VPS13B: variants seen among roughly 807,000 people sequenced by gnomAD.
VPS13B encodes vacuolar protein sorting 13 homolog B, also known as intermembrane lipid transfer protein VPS13B.
VPS13B carries 285 observed loss-of-function variants against 426.4 expected under a neutral mutation model. The observed-to-expected ratio is 0.67, with a 90% CI of 0.61 to 0.74. VPS13B has a LOEUF of 0.74. Among genes scored for constraint, VPS13B ranks in the 30% least tolerant of loss-of-function variants. VPS13B has a pLI of 0.00. For missense variants in VPS13B, 4,537 were observed against 4,782.6 expected, an observed-to-expected ratio of 0.95 and a Z score of 1.51; for synonymous variants, 1,676 against 1,676.4, an observed-to-expected ratio of 1.00 and a Z score of 0.01.
chr8:99,702,250 T>G (rs961263426), intron 36 of VPS13B, among the ~76,000 whole-genome samples: 13 of 152,212 alleles, frequency 8.5e-5, no homozygotes, highest in African/African-American at 2.9e-4. Flanking sequence ...TACTTTAGTA[T>G]ATCTTTGAGC....
intron 35 of VPS13B, among the ~76,000 whole-genome samples, chr8:99,688,573 G>A (rs1831514770): frequency 6.6e-6 from 1 of 152,040 alleles, no homozygotes; most frequent in Admixed American, 6.5e-5. Flanking sequence ...ATGTCTGAGA[G>A]GAGTTAATGG....
At chr8:99,372,843 T>C (rs1196182041) in intron 19 of VPS13B, among the ~76,000 whole-genome samples, 2 of 152,210 alleles carry the variant, frequency 1.3e-5, no homozygotes, top group Non-Finnish European at 2.9e-5. Context: ...TGAATCATTC[T>C]ACTATAAAGA....
chr8:99,702,740 A>G (rs1832335109), intron 36 of VPS13B, among the ~76,000 whole-genome samples: 1 of 152,166 alleles, frequency 6.6e-6, no homozygotes, highest in Non-Finnish European at 1.5e-5. Flanking sequence ...TAGCAGCAGA[A>G]ACTACTCTAA....
chr8:99,753,523 G>T (rs1810497868), intron 39 of VPS13B, among the ~76,000 whole-genome samples: 1 of 152,046 alleles, frequency 6.6e-6, no homozygotes, highest in African/African-American at 2.4e-5. Context: ...AGTTGCCCCT[G>T]CTCTAAGTTT....
intron 3 of VPS13B, among the ~76,000 whole-genome samples, chr8:99,068,293 C>G (rs1362094561): frequency 6.6e-6 from 1 of 152,140 alleles, no homozygotes; most frequent in Non-Finnish European, 1.5e-5. Flanking sequence ...ATAATTCAGA[C>G]ATATTTGTGG....
At chr8:99,377,820 A>G (rs1813569574) in intron 19 of VPS13B, among the ~76,000 whole-genome samples, 2 of 152,190 alleles carry the variant, frequency 1.3e-5, no homozygotes, top group Non-Finnish European at 2.9e-5. Flanking sequence ...GAGGGAGTGT[A>G]TGAATAGGGT....
chr8:99,310,442 A>T (rs1186896231), intron 19 of VPS13B, among the ~76,000 whole-genome samples: 1 of 152,232 alleles, frequency 6.6e-6, no homozygotes. Context: ...CTATTGAGAT[A>T]ATCATGTGGT....
chr8:99,369,473 G>A (rs1309307535), intron 19 of VPS13B, among the ~76,000 whole-genome samples: 1 of 152,162 alleles, frequency 6.6e-6, no homozygotes, highest in East Asian at 1.9e-4. Flanking sequence ...TGAGGCAGTG[G>A]GCACGAGTCT....
At chr8:99,862,433 A>G (rs1816887603) in intron 58 of VPS13B, among the ~76,000 whole-genome samples, 1 of 152,188 alleles carries the variant, frequency 6.6e-6, no homozygotes, top group Admixed American at 6.5e-5. Flanking sequence ...CCTGATTCAG[A>G]GTAATTATTG....
At chr8:99,827,212 G>A (rs1814741032) in intron 51 of VPS13B, among the ~76,000 whole-genome samples, 1 of 152,028 alleles carries the variant, frequency 6.6e-6, no homozygotes. Flanking sequence ...CGCATTTTTG[G>A]TTGGTAGGCT....
intron 39 of VPS13B, among the ~76,000 whole-genome samples, chr8:99,729,631 A>G (rs1474910589): frequency 2.0e-5 from 3 of 152,206 alleles, no homozygotes; most frequent in Non-Finnish European, 4.4e-5. Context: ...AGAGCTTTAC[A>G]TATAAAGTAA....
At chr8:99,669,825 T>C (rs941796584) in intron 35 of VPS13B, among the ~76,000 whole-genome samples, 8 of 152,154 alleles carry the variant, frequency 5.3e-5, no homozygotes, top group African/African-American at 1.9e-4. Flanking sequence ...CTGTTTTGAA[T>C]ACAGTTTTCT....
intron 39 of VPS13B, among the ~76,000 whole-genome samples, chr8:99,762,865 C>T (rs189883621): frequency 2.0e-5 from 3 of 152,158 alleles, no homozygotes; most frequent in Non-Finnish European, 4.4e-5. Context: ...AGGCCTGGCA[C>T]AGTGGGTCAC....
intron 51 of VPS13B, among the ~76,000 whole-genome samples, chr8:99,830,639 C>T (rs981991943): frequency 2.0e-5 from 3 of 152,072 alleles, no homozygotes; most frequent in African/African-American, 7.2e-5. Context: ...CCAGGTGCCA[C>T]TGGGGTATGA....
chr8:99,510,970 G>C (rs762855804), intron 28 of VPS13B, 134 bp from the exon 29 acceptor site: 76 of 937,328 alleles, frequency 8.1e-5, no homozygotes, highest in Non-Finnish European at 1.2e-4. Flanking sequence ...GAATTGATCA[G>C]TCATGTGTTT....
intron 2 of VPS13B, among the ~76,000 whole-genome samples, chr8:99,033,228 C>G (rs879534351): frequency 6.6e-6 from 1 of 152,144 alleles, no homozygotes; most frequent in Non-Finnish European, 1.5e-5. Flanking sequence ...AATCAATTAT[C>G]TTATTCTTTA....
chr8:99,389,743 A>G (rs1470291590), intron 20 of VPS13B: 5 of 152,120 alleles, frequency 3.3e-5, no homozygotes, highest in Non-Finnish European at 4.4e-5. Flanking sequence ...ATGTGGTTCA[A>G]ACTTATATTA....
chr8:99,826,705 T>C (rs1341691504), intron 51 of VPS13B, among the ~76,000 whole-genome samples: 1 of 152,208 alleles, frequency 6.6e-6, no homozygotes, highest in Non-Finnish European at 1.5e-5. Context: ...TGGCTGTGGG[T>C]TTCTCATGAA....
chr8:99,656,415 A>C (rs1165988464), intron 34 of VPS13B, among the ~76,000 whole-genome samples: 5 of 152,226 alleles, frequency 3.3e-5, no homozygotes, highest in Non-Finnish European at 1.5e-5. Flanking sequence ...GAATACATCC[A>C]GAAGAGGTCT....
Sources: allele counts gnomAD v4.1 joint callset (sites outside exome capture counted in the v4.1 genomes callset), GRCh38; gene constraint gnomAD v4.1.1; transcripts MANE v1.5; gene names NCBI Gene and HGNC (gene_info 2026-07-23, HGNC 2026-07-21).